ZNF514: variants seen among roughly 807,000 people sequenced by gnomAD.
ZNF514 encodes the protein zinc finger protein 514.
Under a neutral mutation model 9.7 loss-of-function variants are expected in ZNF514, and 12 were observed. The observed-to-expected ratio is 1.24, with a 90% CI of 0.79 to 2.01. The LOEUF (loss-of-function observed/expected upper bound fraction) is 2.01, where lower values mean the gene tolerates loss of function less well. Ranked by LOEUF, ZNF514 falls within the 30% of genes most tolerant of loss-of-function variation. The probability of loss-of-function intolerance (pLI) is 0.00; values close to 1 mark genes in which losing one functional copy is unlikely to be tolerated. For missense variants in ZNF514, 467 were observed against 465.5 expected, an observed-to-expected ratio of 1.00 and a Z score of -0.03; for synonymous variants, 158 against 163.7, an observed-to-expected ratio of 0.97 and a Z score of 0.27.
At chr2:95,136,196 C>T in the ZNF514 span, among the ~76,000 whole-genome samples, 1 of 152,112 alleles carries the variant, frequency 6.6e-6, no homozygotes, top group Non-Finnish European at 1.5e-5. Context: ...TTTCTATACA[C>T]AAGATCATAT....
At chr2:95,151,621 A>C (rs933897683) in intron 4 of ZNF514, among the ~76,000 whole-genome samples, 9 of 152,224 alleles carry the variant, frequency 5.9e-5, no homozygotes, top group Non-Finnish European at 1.3e-4. Context: ...GTGGAAAATT[A>C]ATAAAATAAT....
Position 95,146,374 on chromosome 2 carries a change from T to C in ZNF514, c.*2908A>G, listed in dbSNP as rs1271314965. On this transcript the variant is annotated 3_prime_UTR_variant, in exon 5 of 5. Coordinates refer to ENST00000295208, the MANE Select transcript of ZNF514 (RefSeq NM_032788.3). ...ATGGTAAGATATGACTTCATATCAG[T>C]TTTCAAGAGAACACCTCTCCAAGGA... is the stretch of plus-strand genomic sequence containing the variant. Among the ~76,000 whole-genome samples the C allele has an allele frequency of 6.6e-6, 1 of 152,128 alleles. No homozygotes were observed. Among genetic ancestry groups the C allele is most frequent in the Non-Finnish European group, 1.5e-5 (1 of 68,032 alleles).
At chr2:95,127,754 G>A in the ZNF514 span, among the ~76,000 whole-genome samples, 10 of 152,080 alleles carry the variant, frequency 6.6e-5, no homozygotes, top group Non-Finnish European at 1.5e-4. Flanking sequence ...GATTACAGGT[G>A]CCTGCCACCA....
At chr2:95,142,861 C>G (rs1466367304), downstream of ZNF514, among the ~76,000 whole-genome samples, 1 of 152,224 alleles carries the variant, frequency 6.6e-6, no homozygotes, top group East Asian at 1.9e-4. Context: ...CACCTCTTCC[C>G]TAGATGGAAT....
Position 95,148,131 on chromosome 2 carries a change from A to G in ZNF514, c.*1151T>C, listed in dbSNP as rs1474527980. ...TTGTACTGCAAAGATCCAGTCTATT[A>G]ATCTCCATACTACAGCTGTGAACCA... On this transcript the variant is annotated 3_prime_UTR_variant, in exon 5 of 5. Transcript: ENST00000295208. 2 of 152,200 alleles carry G rather than the reference A, an allele frequency of 1.3e-5. No individual in the cohort carries two copies. Among genetic ancestry groups the G allele is most frequent in the Admixed American group, 1.3e-4 (2 of 15,272 alleles). The allele number at this position is 152,200 out of a possible 1,614,324, so 9.4% of individuals were successfully genotyped here.
chr2:95,140,604 C>T (rs1362221626), downstream of ZNF514, among the ~76,000 whole-genome samples: 1 of 151,838 alleles, frequency 6.6e-6, no homozygotes, highest in Non-Finnish European at 1.5e-5. Context: ...CGGAGCAAGA[C>T]TTCATCTTGA....
the ZNF514 span, among the ~76,000 whole-genome samples, chr2:95,123,162 C>T: frequency 6.6e-6 from 1 of 152,208 alleles, no homozygotes; most frequent in Non-Finnish European, 1.5e-5. Context: ...AAGAGGCTGA[C>T]TGACATCCAC....
downstream of ZNF514, among the ~76,000 whole-genome samples, chr2:95,142,940 T>C (rs1673279969): frequency 6.6e-6 from 1 of 152,274 alleles, no homozygotes; most frequent in South Asian, 2.1e-4. Context: ...ATTTGTTGGC[T>C]AATCATGATA....
chr2:95,153,016 G>T, intron 3 of ZNF514, 117 bp downstream of exon 3: 1 of 1,360,566 alleles, frequency 7.3e-7, no homozygotes, highest in Non-Finnish European at 1.0e-6. Context: ...TCTGATTCCA[G>T]ACTTCCCAAG....
chr2:95,155,962 G>A (rs1169322604), intron 2 of ZNF514, among the ~76,000 whole-genome samples: 2 of 152,180 alleles, frequency 1.3e-5, no homozygotes, highest in East Asian at 3.9e-4. Flanking sequence ...GTGGAGCAGA[G>A]TCACAGTCAG....
chr2:95,141,597 C>T (rs922013080), downstream of ZNF514, among the ~76,000 whole-genome samples: 3 of 152,162 alleles, frequency 2.0e-5, no homozygotes, highest in Admixed American at 6.5e-5. Context: ...GCCACCTTCC[C>T]GCATCTTCCT....
the ZNF514 span, among the ~76,000 whole-genome samples, chr2:95,126,427 A>G: frequency 2.6e-5 from 4 of 151,830 alleles, no homozygotes; most frequent in Non-Finnish European, 4.4e-5. Flanking sequence ...AAAAAAAGAA[A>G]GAAACTGCCA....
chr2:95,152,543 C>T (rs967316230), intron 4 of ZNF514, 131 bp downstream of exon 4: 2 of 690,134 alleles, frequency 2.9e-6, no homozygotes, highest in African/African-American at 3.6e-5. Context: ...CAAAATTCAA[C>T]ATACCAGAGT....
the ZNF514 span, among the ~76,000 whole-genome samples, chr2:95,133,076 C>T: frequency 1.2e-4 from 19 of 152,082 alleles, no homozygotes; most frequent in African/African-American, 4.3e-4. Flanking sequence ...AACGCACTCT[C>T]GTAAATCCAT....
At chr2:95,144,784 G>A (rs566921552), downstream of ZNF514, among the ~76,000 whole-genome samples, 1 of 152,168 alleles carries the variant, frequency 6.6e-6, no homozygotes, top group African/African-American at 2.4e-5. Flanking sequence ...ATTCATGGCT[G>A]TTATCTGAAG....
At chr2:95,143,347 G>A (rs1227980741), downstream of ZNF514, among the ~76,000 whole-genome samples, 4 of 152,196 alleles carry the variant, frequency 2.6e-5, no homozygotes, top group Non-Finnish European at 5.9e-5. Context: ...TGGGCCAGGT[G>A]TGGTGGCTCA....
the ZNF514 span, among the ~76,000 whole-genome samples, chr2:95,132,163 A>AC: frequency 6.6e-6 from 1 of 151,200 alleles, no homozygotes; most frequent in East Asian, 1.9e-4. Flanking sequence ...AAAAAAAAAA[A>AC]AAAAAAACAG....
At chr2:95,142,280 T>C (rs1673255302), downstream of ZNF514, among the ~76,000 whole-genome samples, 1 of 152,218 alleles carries the variant, frequency 6.6e-6, no homozygotes, top group Non-Finnish European at 1.5e-5. Flanking sequence ...ACAATGGCTT[T>C]TTCACTTGCA....
chr2:95,152,661 C>T lies in ZNF514; in HGVS notation c.217+13G>A. 3 of 1,604,554 alleles carry T rather than the reference C, an allele frequency of 1.9e-6. No homozygotes were observed. The highest frequency in any genetic ancestry group is 2.6e-6 in the Non-Finnish European group (3 of 1,171,572). ...GGCCTTATCATATGCAATGCTTTCA[C>T]TCACTCACTCACCTGAGTGGGCTCC... On this transcript the variant is annotated intron_variant, in intron 4 of 4. Coordinates refer to ENST00000295208, the MANE Select transcript of ZNF514 (RefSeq NM_032788.3).
Sources: gnomAD v4.1 joint callset for allele counts (sites outside exome capture counted in the v4.1 genomes callset) on GRCh38, gnomAD v4.1.1 for gene constraint, MANE v1.5 for transcripts, NCBI Gene and HGNC (gene_info 2026-07-23, HGNC 2026-07-21) for gene names.